MARCHF1: variants seen among roughly 807,000 people sequenced by gnomAD.
MARCHF1 encodes the protein membrane associated ring-CH-type finger 1.
MARCHF1 carries 40 observed loss-of-function variants against 54.2 expected under a neutral mutation model. The observed-to-expected ratio is 0.74, with a 90% CI of 0.57 to 0.96. The LOEUF is 0.96. Ranked by LOEUF, MARCHF1 falls within the 40% of genes least tolerant of loss-of-function variation. The pLI is 0.00. For synonymous variants in MARCHF1, 236 were observed against 236.3 expected (o/e 1.00, Z 0.01); for missense variants, 586 against 656.5 (o/e 0.89, Z 1.17).
intron 1 of MARCHF1, among the ~76,000 whole-genome samples, chr4:164,114,154 A>G (rs1755892292): frequency 1.3e-5 from 2 of 152,020 alleles, no homozygotes; most frequent in Non-Finnish European, 2.9e-5. Flanking sequence ...ACATACGTTT[A>G]TCTACCTATC....
Position 163,952,272 on chromosome 4 carries a change from G to T in MARCHF1, c.-39+36229C>A, listed in dbSNP as rs549559677. On this transcript the variant is annotated intron_variant, in intron 3 of 9. Transcript: ENST00000514618. ...TTATTCTTTCTTTAGCCTATATAAC[G>T]ATACACACTGTAGAAAATGCTAAAC... Among the ~76,000 whole-genome samples, 8 of 152,016 alleles carry T rather than the reference G, an allele frequency of 5.3e-5. No individual in the cohort carries two copies. The South Asian group carries it at 1.7e-3, about 32-fold the overall frequency.
intron 2 of MARCHF1, among the ~76,000 whole-genome samples, chr4:164,093,653 G>A (rs926120901): frequency 3.3e-5 from 5 of 152,108 alleles, no homozygotes; most frequent in African/African-American, 7.2e-5. Context: ...TTCTGGCAGC[G>A]TCTCTCACAG....
At chr4:164,251,651 C>T (rs1389556874) in intron 1 of MARCHF1, among the ~76,000 whole-genome samples, 1 of 152,090 alleles carries the variant, frequency 6.6e-6, no homozygotes, top group Non-Finnish European at 1.5e-5. Context: ...TTTATTGCTG[C>T]CTCCTTTATA....
chr4:163,809,324 T>C (rs1748319161), intron 4 of MARCHF1, among the ~76,000 whole-genome samples: 1 of 152,126 alleles, frequency 6.6e-6, no homozygotes, highest in African/African-American at 2.4e-5. Context: ...ACCAAGAGGT[T>C]TGAGAAAAAT....
intron 5 of MARCHF1, among the ~76,000 whole-genome samples, chr4:163,640,224 G>T (rs543749738): frequency 6.6e-6 from 1 of 151,998 alleles, no homozygotes; most frequent in Non-Finnish European, 1.5e-5. Context: ...GAGTACAGCA[G>T]AAAAAGCTGG....
chr4:163,750,513 A>AAATAAAT (rs1554010358), intron 4 of MARCHF1, among the ~76,000 whole-genome samples: 2 of 143,054 alleles, frequency 1.4e-5, no homozygotes, highest in African/African-American at 5.2e-5. Context: ...TCTGTCTCAA[A>AAATAAAT]AAATAAATAA....
At chr4:164,039,086 A>G (rs1754070850) in intron 2 of MARCHF1, among the ~76,000 whole-genome samples, 1 of 152,242 alleles carries the variant, frequency 6.6e-6, no homozygotes, top group Non-Finnish European at 1.5e-5. Flanking sequence ...AACATGTAGA[A>G]CAAATACATG....
intron 1 of MARCHF1, among the ~76,000 whole-genome samples, chr4:164,259,140 C>T (rs538788642): frequency 1.3e-5 from 2 of 152,000 alleles, no homozygotes; most frequent in Non-Finnish European, 2.9e-5. Flanking sequence ...TTCACTGAAC[C>T]TCATTTTCTA....
At chr4:163,546,666 C>T (rs1231934802) in intron 8 of MARCHF1, among the ~76,000 whole-genome samples, 1 of 152,180 alleles carries the variant, frequency 6.6e-6, no homozygotes, top group Non-Finnish European at 1.5e-5. Flanking sequence ...GCTGAAGCCT[C>T]TTTTAGAGCA....
intron 1 of MARCHF1, among the ~76,000 whole-genome samples, chr4:164,305,067 C>T (rs1734662341): frequency 6.6e-6 from 1 of 152,082 alleles, no homozygotes; most frequent in South Asian, 2.1e-4. Flanking sequence ...ATACTGGACC[C>T]ACTCAGTCAT....
At chr4:164,236,122 C>G (rs914543592) in intron 1 of MARCHF1, among the ~76,000 whole-genome samples, 2 of 152,038 alleles carry the variant, frequency 1.3e-5, no homozygotes, top group African/African-American at 4.8e-5. Context: ...TCACAAATCA[C>G]AATGAACAAC....
chr4:164,148,008 T>A (rs1729811180), intron 1 of MARCHF1, among the ~76,000 whole-genome samples: 1 of 152,108 alleles, frequency 6.6e-6, no homozygotes, highest in Admixed American at 6.6e-5. Flanking sequence ...AATACATTCA[T>A]ATTTTATTTT....
intron 1 of MARCHF1, among the ~76,000 whole-genome samples, chr4:164,137,877 A>T (rs1212925695): frequency 6.6e-6 from 1 of 152,210 alleles, no homozygotes; most frequent in South Asian, 2.1e-4. Context: ...AACTGATAGC[A>T]GCAGATTTAT....
At chr4:164,346,616 A>G (rs1313362483) in intron 1 of MARCHF1, among the ~76,000 whole-genome samples, 11 of 1,892 alleles carry the variant, frequency 5.8e-3, no homozygotes, top group South Asian at 0.017. Context: ...ATATATATAT[A>G]TATATATATA....
chr4:164,346,876 A>C (rs2110866566), intron 1 of MARCHF1, among the ~76,000 whole-genome samples: 1 of 152,138 alleles, frequency 6.6e-6, no homozygotes, highest in Admixed American at 6.6e-5. Flanking sequence ...AAGAGTCAGG[A>C]GTATCCCTCT....
At chr4:164,304,362 G>A (rs980108548) in intron 1 of MARCHF1, among the ~76,000 whole-genome samples, 2 of 152,166 alleles carry the variant, frequency 1.3e-5, no homozygotes, top group Non-Finnish European at 2.9e-5. Flanking sequence ...AGTAAGCTAA[G>A]AGCTTTTACA....
intron 1 of MARCHF1, among the ~76,000 whole-genome samples, chr4:164,342,922 C>T (rs985497725): frequency 5.3e-5 from 8 of 151,904 alleles, no homozygotes; most frequent in Non-Finnish European, 7.4e-5. Context: ...CTTACTTATA[C>T]GTGGAATCTA....
chr4:164,062,520 G>GTTAT (rs1206468792), intron 2 of MARCHF1, among the ~76,000 whole-genome samples: 41 of 151,886 alleles, frequency 2.7e-4, no homozygotes, highest in East Asian at 7.8e-4. Context: ...TCTTTTAGTT[G>GTTAT]TTATTTATTT....
intron 4 of MARCHF1, among the ~76,000 whole-genome samples, chr4:163,808,129 C>T (rs562093526): frequency 6.6e-6 from 1 of 152,320 alleles, no homozygotes; most frequent in South Asian, 2.1e-4. Context: ...TACTAAGTGA[C>T]ATTAGTTTAT....
Sources: gnomAD v4.1 joint callset for allele counts (sites outside exome capture counted in the v4.1 genomes callset) on GRCh38, gnomAD v4.1.1 for gene constraint, MANE v1.5 for transcripts, NCBI Gene and HGNC (gene_info 2026-07-23, HGNC 2026-07-21) for gene names.